The following SAG variants were observed in gnomAD, a reference collection of about 807,000 sequenced individuals.
The protein encoded by SAG is S-antigen visual arrestin.
A neutral mutation model predicts 55.0 loss-of-function variants in SAG; 45 were observed. That is an observed-to-expected ratio of 0.82 (90% CI 0.64 to 1.05). SAG has a LOEUF of 1.05. Among genes scored for constraint, SAG ranks in the 50% least tolerant of loss-of-function variants. The probability of loss-of-function intolerance (pLI) is 0.00; values close to 1 mark genes in which losing one functional copy is unlikely to be tolerated. For missense variants in SAG, 455 were observed against 512.1 expected (o/e 0.89, Z 1.08); for synonymous variants, 189 against 197.4 (o/e 0.96, Z 0.36).
At chr2:233,317,186 A>G (rs1378235043) in intron 3 of SAG, among the ~76,000 whole-genome samples, 2 of 152,228 alleles carry the variant, frequency 1.3e-5, no homozygotes, top group African/African-American at 4.8e-5. Flanking sequence ...CATGAAACAC[A>G]TACTTACCAT....
intron 8 of SAG, chr2:233,328,894 C>CTATGG: frequency 2.6e-6 from 1 of 388,080 alleles, no homozygotes. Context: ...TACCTGCCCC[C>CTATGG]CAGCTGTCCT....
chr2:233,338,853 G>A (rs1173304725), intron 12 of SAG, 100 bp downstream of exon 12: 3 of 972,002 alleles, frequency 3.1e-6, no homozygotes, highest in Non-Finnish European at 5.0e-6. Flanking sequence ...AGCAAGGAAA[G>A]GCCCATAGCT....
At chr2:233,342,107 G>C (rs1312351284) in intron 13 of SAG, among the ~76,000 whole-genome samples, 164 bp from the exon 14 acceptor site, 1 of 146,020 alleles carries the variant, frequency 6.8e-6, no homozygotes, top group African/African-American at 2.5e-5. Context: ...CTGGGCGACA[G>C]AGCGAGACTC....
intron 6 of SAG, among the ~76,000 whole-genome samples, chr2:233,326,714 C>A (rs55991949): frequency 0.39 from 59,147 of 152,088 alleles, 12,987 homozygotes; most frequent in South Asian, 0.55. Flanking sequence ...CATTCCTGGA[C>A]CCCAGCGCTG....
chr2:233,312,755 G>A (rs543119320), intron 2 of SAG, among the ~76,000 whole-genome samples: 5 of 152,110 alleles, frequency 3.3e-5, no homozygotes, highest in African/African-American at 9.7e-5. Context: ...GCCCTCAACC[G>A]TCCCCTGTCC....
intron 2 of SAG, among the ~76,000 whole-genome samples, chr2:233,312,683 T>C (rs1265849049): frequency 2.0e-5 from 3 of 152,188 alleles, no homozygotes; most frequent in African/African-American, 7.2e-5. Context: ...GGTGAAGCCA[T>C]TGGCAGTTCC....
intron 11 of SAG, 35 bp from the exon 12 acceptor site, chr2:233,338,641 C>T: frequency 6.3e-7 from 1 of 1,585,914 alleles, no homozygotes; most frequent in Non-Finnish European, 8.7e-7. Flanking sequence ...CTCCTCTGCT[C>T]TCCATCATTC....
At chr2:233,346,697 C>G in intron 15 of SAG, 110 bp from the exon 16 acceptor site, 1 of 836,048 alleles carries the variant, frequency 1.2e-6, no homozygotes, top group South Asian at 1.4e-5. Context: ...CATGTTCTAT[C>G]ATGGGGAAAA....
chr2:233,334,991 C>T lies in SAG; in HGVS notation c.836C>T (p.Thr279Ile), dbSNP rs1345676625. 1 of 1,613,892 alleles carries T rather than the reference C, an allele frequency of 6.2e-7. No individual in the cohort carries two copies. The highest frequency in any genetic ancestry group is 8.5e-7 in the Non-Finnish European group (1 of 1,179,878). ...QEKVPPNSTL[T>I]KTLTLLPLLA... is the part of the protein sequence containing the mutation. Reference sequence around the variant, plus strand: ...AAAGTGCCACCAAACAGCACTTTGACCAAGACGCTGACGCTGCTGCCCTTG... The same window carrying T: ...AAAGTGCCACCAAACAGCACTTTGATCAAGACGCTGACGCTGCTGCCCTTG... Residue 279 changes from threonine to isoleucine, a missense_variant, in exon 11 of 16, where the codon ACC (threonine) becomes ATC (isoleucine). Coordinates refer to ENST00000409110, the MANE Select transcript of SAG (RefSeq NM_000541.5).
At chr2:233,327,017 G>A in intron 6 of SAG, 104 bp from the exon 7 acceptor site, 1 of 826,082 alleles carries the variant, frequency 1.2e-6, no homozygotes, top group Non-Finnish European at 2.1e-6. Context: ...AAGACAAAAA[G>A]AGATAGTGCC....
Position 233,336,993 on chromosome 2 carries a change from G to A in SAG, c.945-1683G>A, listed in dbSNP as rs140335339. ...TGCCTGTAGTCCCAGCTATTTGAGA[G>A]GCTGAGATGACAGGATAGCTTGAGC... On this transcript the variant is annotated intron_variant, in intron 11 of 15. Transcript: ENST00000409110. Among the ~76,000 whole-genome samples the A allele has an allele frequency of 7.1e-4, 108 of 152,184 alleles. No homozygotes were observed. In the South Asian group the frequency reaches 9.5e-3, roughly 13 times the overall value.
Position 233,328,067 on chromosome 2 carries a change from T to A in SAG, c.513-411T>A, listed in dbSNP as rs6728032. Reference sequence around the variant, plus strand: ...CGCCTGGCCCTTCGCACTGTCTCCTTGTGCCCCATGTACACATCTCTGGAG... The same window carrying A: ...CGCCTGGCCCTTCGCACTGTCTCCTAGTGCCCCATGTACACATCTCTGGAG... On this transcript the variant is annotated intron_variant, in intron 7 of 15. Coordinates refer to ENST00000409110, the MANE Select transcript of SAG (RefSeq NM_000541.5). 8.1e-5 allele frequency: 13 copies of A among 160,230 alleles called. No individual in the cohort carries two copies. In the Admixed American group the frequency reaches 8.4e-4, roughly 10 times the overall value. 9.9% of individuals were successfully genotyped at this position (160,230 alleles called of 1,614,324 possible). A position where few individuals can be genotyped will look rare whatever the true frequency, so the allele number is the denominator to read the frequency against.
intron 14 of SAG, chr2:233,343,081 G>GT (rs34180640): frequency 0.28 from 29,817 of 104,762 alleles, 5,377 homozygotes; most frequent in East Asian, 0.44. Flanking sequence ...TTTTTTTGGG[G>GT]TTTTTTTTTT....
chr2:233,322,960 G>T lies in SAG; in HGVS notation c.390G>T (p.Leu130Phe). Residue 130 changes from leucine (L) to phenylalanine (F), a missense_variant, in exon 6 of 16, where the codon TTG becomes TTT. Physicochemically the swap from Leu to Phe is conservative, Grantham distance 22. Coordinates refer to ENST00000409110, the MANE Select transcript of SAG (RefSeq NM_000541.5). ...YPFLLTFPDY[L>F]PCSVMLQPAP... ...TCTTTCCACAGTTTCCTGACTACTT[G>T]CCCTGTTCAGTGATGTTGCAGCCAG... 1 of 1,571,942 alleles carries T rather than the reference G, an allele frequency of 6.4e-7. No homozygotes were observed.
intron 2 of SAG, among the ~76,000 whole-genome samples, chr2:233,315,071 G>A (rs1277312292): frequency 6.6e-6 from 1 of 152,132 alleles, no homozygotes; most frequent in Non-Finnish European, 1.5e-5. Context: ...CTGAGGGCTG[G>A]GAAACCCAAC....
At chr2:233,338,476 G>T in intron 11 of SAG, 200 bp from the exon 12 acceptor site, 1 of 593,698 alleles carries the variant, frequency 1.7e-6, no homozygotes, top group Non-Finnish European at 3.0e-6. Context: ...GAAGACACAG[G>T]AATTCCTCCA....
Position 233,340,336 on chromosome 2 carries a change from T to A in SAG, c.1023-119T>A. On this transcript the variant is annotated intron_variant, in intron 12 of 15. Coordinates refer to ENST00000409110, the MANE Select transcript of SAG (RefSeq NM_000541.5). The surrounding 1 kb of genome is among the most constrained non-coding windows in gnomAD (Gnocchi z 4.2). ...CATTAAGGGATGGGAAGACCCTGGA[T>A]GTTGTGAGTTCGGGTGCAAGGGCCA... The A allele has an allele frequency of 1.3e-6, 1 of 753,128 alleles. No homozygotes were observed. Among genetic ancestry groups the A allele is most frequent in the Non-Finnish European group, 2.3e-6 (1 of 428,650 alleles). The allele number at this position is 753,128 out of a possible 1,614,324, so 46.7% of individuals were successfully genotyped here. A position where few individuals can be genotyped will look rare whatever the true frequency, so the allele number is the denominator to read the frequency against.
chr2:233,322,246 AT>A (rs567323645), intron 5 of SAG, among the ~76,000 whole-genome samples: 5 of 151,890 alleles, frequency 3.3e-5, no homozygotes, highest in Admixed American at 3.3e-4. Context: ...TATGGAATTA[AT>A]TGTCTAAAAC....
rs10711990 is a variant in SAG, at chr2:233,339,537, G to GTTT, written c.1022+801_1022+803dup. On this transcript the variant is annotated intron_variant, in intron 12 of 15. Transcript: ENST00000409110. ...ATTTTGCATTTTTCGTTAGCATAGT[G>GTTT]TTTTTTTTTTTTTTTTTTTCACTGT... 3.6e-4 allele frequency among the ~76,000 whole-genome samples: 46 copies of GTTT among 129,306 alleles called. 2 individuals carry two copies. The highest frequency in any genetic ancestry group is 4.0e-3 in the Middle Eastern group (1 of 252). The allele number at this position is 129,306 out of a possible 152,430, so 84.8% of individuals were successfully genotyped here. A position where few individuals can be genotyped will look rare whatever the true frequency, so the allele number is the denominator to read the frequency against.
Sources: allele counts gnomAD v4.1 joint callset (sites outside exome capture counted in the v4.1 genomes callset), GRCh38; gene constraint gnomAD v4.1.1; non-coding constraint Gnocchi (gnomAD v3.1); transcripts MANE v1.5; gene names NCBI Gene and HGNC (gene_info 2026-07-23, HGNC 2026-07-21).